SARDH: variants seen among roughly 807,000 people sequenced by gnomAD.
SARDH encodes sarcosine dehydrogenase, also known as sarcosine dehydrogenase, mitochondrial.
SARDH carries 95 observed loss-of-function variants against 109.1 expected under a neutral mutation model. The ratio of observed to expected loss-of-function variants is 0.87; its 90% CI spans 0.74 to 1.03. SARDH has a LOEUF of 1.03. Among genes scored for constraint, SARDH ranks in the 50% least tolerant of loss-of-function variants. The probability of loss-of-function intolerance (pLI) is 0.00; values close to 1 mark genes in which losing one functional copy is unlikely to be tolerated. For missense variants in SARDH, 1,267 were observed against 1,287.8 expected (o/e 0.98, Z 0.25); for synonymous variants, 572 against 534.8 (o/e 1.07, Z -0.96).
intron 18 of SARDH, 125 bp downstream of exon 18, chr9:133,671,410 G>A: frequency 8.0e-7 from 1 of 1,249,760 alleles, no homozygotes; most frequent in Non-Finnish European, 1.1e-6. Flanking sequence ...ATCATGGTGT[G>A]GAAAGAAGGA....
intron 19 of SARDH, among the ~76,000 whole-genome samples, chr9:133,667,943 G>A (rs979786896): frequency 7.2e-5 from 11 of 152,094 alleles, no homozygotes; most frequent in African/African-American, 2.7e-4. Flanking sequence ...TCTTCTCTGC[G>A]CCTGTCCTGG....
intron 17 of SARDH, among the ~76,000 whole-genome samples, chr9:133,683,657 G>A (rs953533359): frequency 7.2e-5 from 11 of 152,334 alleles, no homozygotes; most frequent in African/African-American, 2.6e-4. Context: ...TCTGGAGAGG[G>A]GAGGTGAGAG....
At chr9:133,660,910 A>G (rs1832404174), downstream of SARDH, among the ~76,000 whole-genome samples, 1 of 152,212 alleles carries the variant, frequency 6.6e-6, no homozygotes, top group Admixed American at 6.5e-5. Context: ...AAATTAATTA[A>G]AATGATACAA....
intron 13 of SARDH, among the ~76,000 whole-genome samples, chr9:133,697,064 G>A (rs77917492): frequency 0.011 from 1,631 of 152,294 alleles, 34 homozygotes; most frequent in African/African-American, 0.037. Context: ...TAGCTAGAGT[G>A]ACAGAGAAAA....
At chr9:133,722,173 A>G (rs1832347331) in intron 6 of SARDH, among the ~76,000 whole-genome samples, 1 of 152,226 alleles carries the variant, frequency 6.6e-6, no homozygotes, top group African/African-American at 2.4e-5. Flanking sequence ...TATCCTAGGA[A>G]GGCAAGTTTG....
In SARDH at chr9:133,708,317, C is replaced by T. The variant is rs1282344072; in HGVS notation, c.1440G>A (p.Gly480=). 2 of 1,613,326 alleles carry T rather than the reference C, an allele frequency of 1.2e-6. No individual in the cohort carries two copies. Among genetic ancestry groups the T allele is most frequent in the East Asian group, 4.5e-5 (2 of 44,876 alleles). ...VVFPHDEPLA[G]RNMRRDPLHE... ...GCAGCGGGTCTCTCCTCATGTTGCGCCCGGCCAGCGGCTCATCGTGGGGGA... is the reference window on the plus strand; with the variant it reads ...GCAGCGGGTCTCTCCTCATGTTGCGTCCGGCCAGCGGCTCATCGTGGGGGA... Residue 480 remains glycine (G), a synonymous_variant, in exon 11 of 21, where the codon GGG becomes GGA. Coordinates refer to ENST00000439388, the MANE Select transcript of SARDH (RefSeq NM_001134707.2).
At chr9:133,683,503 C>A (rs62575446) in intron 17 of SARDH, among the ~76,000 whole-genome samples, 7,473 of 152,276 alleles carry the variant, frequency 0.049, 224 homozygotes, top group Non-Finnish European at 0.074. Context: ...TGGAGTCGGG[C>A]CATCTGAAGG....
chr9:133,725,220 G>A lies in SARDH; in HGVS notation c.915+4545C>T, dbSNP rs78063838. ...TAAGTCTGGGGACAGGGTGGGAAAT[G>A]GGGAGTGATTGATAACGGGTATGGG... On this transcript the variant is annotated intron_variant, in intron 6 of 20. Transcript: ENST00000439388. 1.5e-3 allele frequency among the ~76,000 whole-genome samples: 235 copies of A among 152,276 alleles called. 2 individuals carry two copies. Among genetic ancestry groups the A allele is most frequent in the East Asian group, 9.3e-3 (48 of 5,188 alleles).
In SARDH at chr9:133,719,010, A is replaced by G. The variant is rs34100523; in HGVS notation, c.948T>C (p.Ser316=). 1,731 of 1,614,192 alleles carry G rather than the reference A, an allele frequency of 1.1e-3. 24 individuals are homozygous for G. The African/African-American group carries it at 0.02, about 18-fold the overall frequency. The change falls in exon 7 of 21, where the codon TCT becomes TCC. Residue 316 remains serine (S), a synonymous_variant. Transcript: ENST00000439388. ...CATCCCCTTGGAGGCGGAGGTAGAC[A>G]GAGGCATCATGATCACGGACATTGG... ...NMPNVRDHDA[S]VYLRLQGDAL...
intron 8 of SARDH, among the ~76,000 whole-genome samples, chr9:133,716,276 G>C (rs1454176078): frequency 6.6e-6 from 1 of 152,246 alleles, no homozygotes; most frequent in African/African-American, 2.4e-5. Context: ...CGCTGGCCCT[G>C]AGCGTGCCTG....
chr9:133,734,292 T>A (rs1228685112), intron 1 of SARDH, 89 bp from the exon 2 acceptor site: 3 of 861,110 alleles, frequency 3.5e-6, no homozygotes, highest in Non-Finnish European at 5.0e-6. Flanking sequence ...CCCTATGGTG[T>A]TACCTCCCAG....
intron 17 of SARDH, among the ~76,000 whole-genome samples, chr9:133,675,927 CA>C (rs34896305): frequency 6.6e-6 from 1 of 151,748 alleles, no homozygotes; most frequent in East Asian, 1.9e-4. Flanking sequence ...CCTGTCTCTA[CA>C]AAAAAAATTT....
Position 133,712,566 on chromosome 9 carries a change from C to T in SARDH, c.1328+53G>A, listed in dbSNP as rs543451230. 3.6e-5 allele frequency: 55 copies of T among 1,511,262 alleles called. 2 individuals are homozygous for T. In the South Asian group the frequency reaches 4.6e-4, roughly 13 times the overall value. The allele number at this position is 1,511,262 out of a possible 1,614,324, so 93.6% of individuals were successfully genotyped here. A position where few individuals can be genotyped will look rare whatever the true frequency, so the allele number is the denominator to read the frequency against. On this transcript the variant is annotated intron_variant, in intron 10 of 20. Transcript: ENST00000439388. The surrounding 1 kb of genome is among the most constrained non-coding windows in gnomAD (Gnocchi z 4.1). ...TCAGTAGCCCTCGCTGTTTACCCCA[C>T]GCCACCTGTCCTGAGTGGCGGGCCC...
chr9:133,695,901 T>TG (rs1202213176), intron 14 of SARDH, among the ~76,000 whole-genome samples: 1 of 151,934 alleles, frequency 6.6e-6, no homozygotes, highest in East Asian at 1.9e-4. Flanking sequence ...TGTGAGAGCA[T>TG]GGGGGGGACT....
chr9:133,706,284 CA>C (rs1431557909), intron 11 of SARDH, among the ~76,000 whole-genome samples: 1 of 152,166 alleles, frequency 6.6e-6, no homozygotes, highest in Non-Finnish European at 1.5e-5. Context: ...CCATAAAAAG[CA>C]ACGAAATTTG....
chr9:133,727,828 C>T (rs904922456), intron 6 of SARDH, among the ~76,000 whole-genome samples: 1 of 152,174 alleles, frequency 6.6e-6, no homozygotes, highest in Non-Finnish European at 1.5e-5. Context: ...GGGACCTAGG[C>T]CAACTCTGCC....
chr9:133,705,733 A>G (rs1327015651), intron 11 of SARDH, among the ~76,000 whole-genome samples: 1 of 152,192 alleles, frequency 6.6e-6, no homozygotes, highest in Admixed American at 6.5e-5. Flanking sequence ...ACCATCTGCT[A>G]TGGACGGAAT....
At chr9:133,671,344 C>A (rs1023094722) in intron 18 of SARDH, among the ~76,000 whole-genome samples, 191 bp downstream of exon 18, 2 of 152,080 alleles carry the variant, frequency 1.3e-5, no homozygotes, top group Admixed American at 6.5e-5. Flanking sequence ...AGACCCTGGG[C>A]AGCAAGAGGT....
At chr9:133,694,644 G>T (rs1831220299) in intron 14 of SARDH, among the ~76,000 whole-genome samples, 1 of 152,202 alleles carries the variant, frequency 6.6e-6, no homozygotes, top group Non-Finnish European at 1.5e-5. Flanking sequence ...GAAATGCCTT[G>T]GCACTGGCCC....
Sources: gnomAD v4.1 joint callset for allele counts (sites outside exome capture counted in the v4.1 genomes callset) on GRCh38, gnomAD v4.1.1 for gene constraint, Gnocchi (gnomAD v3.1) non-coding constraint, MANE v1.5 for transcripts, NCBI Gene and HGNC (gene_info 2026-07-23, HGNC 2026-07-21) for gene names.